Variants in UNC13C observed in about 807,000 individuals in gnomAD.
UNC13C encodes unc-13 homolog C, also known as protein unc-13 homolog C.
Under a neutral mutation model 245.4 loss-of-function variants are expected in UNC13C, and 174 were observed. The observed-to-expected ratio is 0.71, with a 90% CI of 0.63 to 0.80. UNC13C has a LOEUF of 0.80. Among genes scored for constraint, UNC13C ranks in the 30% least tolerant of loss-of-function variants. The pLI, the probability that UNC13C is intolerant of heterozygous loss-of-function variation, is 0.00. For synonymous variants in UNC13C, 992 were observed against 895.1 expected, an observed-to-expected ratio of 1.11 and a Z score of -1.93; for missense variants, 2,829 against 2,602.9, an observed-to-expected ratio of 1.09 and a Z score of -1.89.
Position 54,626,913 on chromosome 15 carries a change from A to G in UNC13C, c.6445A>G (p.Ile2149Val). ...CTGCTTTGCCAGAGAAGATCGAATT[A>G]TCGGAATGACAGTCATTCAGCTACA... The part of the protein sequence containing the change: ...DYCFAREDRI[I>V]GMTVIQLQNI... Residue 2149 changes from isoleucine to valine, a missense_variant, in exon 33 of 33, where the codon ATC becomes GTC. Transcript: ENST00000260323. 6.2e-7 allele frequency: 1 copy of G among 1,613,456 alleles called. No individual in the cohort carries two copies. Among genetic ancestry groups the G allele is most frequent in the Non-Finnish European group, 8.5e-7 (1 of 1,179,588 alleles).
At chr15:54,213,028 C>T (rs2034933275) in intron 4 of UNC13C, among the ~76,000 whole-genome samples, 2 of 151,892 alleles carry the variant, frequency 1.3e-5, no homozygotes, top group South Asian at 4.2e-4. Flanking sequence ...AGAATCATAC[C>T]GGTTAGAATA....
At chr15:53,837,716 C>A in the UNC13C span, among the ~76,000 whole-genome samples, 2 of 152,128 alleles carry the variant, frequency 1.3e-5, no homozygotes, top group Non-Finnish European at 2.9e-5. Context: ...CTGAAAATTT[C>A]ACTGGAATTG....
the UNC13C span, among the ~76,000 whole-genome samples, chr15:53,917,780 A>G: frequency 3.7e-4 from 57 of 152,366 alleles, no homozygotes; most frequent in Admixed American, 5.9e-4. Context: ...GGGTTAGGAC[A>G]ACAGGATTTG....
intron 13 of UNC13C, among the ~76,000 whole-genome samples, chr15:54,308,753 A>G (rs1306012878): frequency 3.3e-5 from 5 of 151,760 alleles, no homozygotes; most frequent in African/African-American, 4.8e-5. Flanking sequence ...TGAGATGATC[A>G]TATGGTATTT....
chr15:54,210,685 A>C (rs1248142808), intron 4 of UNC13C, among the ~76,000 whole-genome samples: 1 of 152,162 alleles, frequency 6.6e-6, no homozygotes, highest in Non-Finnish European at 1.5e-5. Context: ...TTAAAAGCTG[A>C]CTAGTTAGTC....
chr15:53,950,315 C>T, the UNC13C span, among the ~76,000 whole-genome samples: 3 of 152,144 alleles, frequency 2.0e-5, no homozygotes, highest in Admixed American at 6.5e-5. Context: ...CTTGAAGAGG[C>T]TAAGCAATTT....
intron 2 of UNC13C, among the ~76,000 whole-genome samples, chr15:54,123,832 CT>C (rs1269222797): frequency 1.3e-5 from 2 of 152,104 alleles, no homozygotes; most frequent in Non-Finnish European, 2.9e-5. Context: ...GGTTCTGTCT[CT>C]TTATAATCAC....
chr15:54,256,242 G>C (rs558892157), intron 8 of UNC13C, among the ~76,000 whole-genome samples: 11 of 152,248 alleles, frequency 7.2e-5, no homozygotes, highest in African/African-American at 2.6e-4. Flanking sequence ...CTGTGAGGGA[G>C]AACATACACC....
rs150419873 is a variant in UNC13C at position 54,604,408 on chromosome 15, A to G, written c.6107-17919A>G. ...AAACCAGGAAAGAAAGAAAGAAAAC[A>G]AAAGAAAAACAGCTGTAACACCTCT... On this transcript the variant is annotated intron_variant, in intron 30 of 32. Coordinates refer to ENST00000260323, the MANE Select transcript of UNC13C (RefSeq NM_001080534.3). Among the ~76,000 whole-genome samples, 1,085 of 151,688 alleles carry G rather than the reference A, an allele frequency of 7.2e-3. 8 individuals are homozygous for G. Among genetic ancestry groups the G allele is most frequent in the Middle Eastern group, 0.02 (6 of 294 alleles).
At chr15:54,032,052 G>GTA (rs1195698042) in intron 2 of UNC13C, among the ~76,000 whole-genome samples, 11 of 152,142 alleles carry the variant, frequency 7.2e-5, no homozygotes, top group Non-Finnish European at 1.5e-4. Context: ...TTATGGCAAA[G>GTA]GCATGAGTCT....
At chr15:54,525,866 C>A (rs1003579202) in intron 25 of UNC13C, among the ~76,000 whole-genome samples, 1 of 152,170 alleles carries the variant, frequency 6.6e-6, no homozygotes, top group Non-Finnish European at 1.5e-5. Flanking sequence ...ACACCTATAA[C>A]ACTATCCTCA....
chr15:54,056,550 A>G (rs932330086), intron 2 of UNC13C, among the ~76,000 whole-genome samples: 2 of 152,242 alleles, frequency 1.3e-5, no homozygotes, highest in South Asian at 2.1e-4. Flanking sequence ...GATATTATCC[A>G]GGAGAACTTC....
At chr15:54,568,901 TGC>T (rs1156348420) in intron 30 of UNC13C, among the ~76,000 whole-genome samples, 19 of 151,556 alleles carry the variant, frequency 1.3e-4, no homozygotes, top group Non-Finnish European at 2.8e-4. Flanking sequence ...TAACACTCTG[TGC>T]TTTTTGATAC....
At chr15:54,049,174 T>C (rs1025767501) in intron 2 of UNC13C, 1 of 439,496 alleles carries the variant, frequency 2.3e-6, no homozygotes, top group East Asian at 5.8e-5. Context: ...AGTTTTCCAG[T>C]TGATACCTTG....
intron 17 of UNC13C, among the ~76,000 whole-genome samples, chr15:54,343,848 G>A (rs2038795428): frequency 2.6e-5 from 4 of 152,168 alleles, no homozygotes; most frequent in Admixed American, 2.6e-4. Context: ...TGAGTTAAGG[G>A]GAGGGGCTTA....
chr15:54,086,269 C>A (rs1899233859), intron 2 of UNC13C, among the ~76,000 whole-genome samples: 2 of 152,146 alleles, frequency 1.3e-5, no homozygotes, highest in Admixed American at 1.3e-4. Context: ...TTCCGTGTAG[C>A]CACTCCTATA....
chr15:54,036,015 T>C (rs1397701606), intron 2 of UNC13C, among the ~76,000 whole-genome samples: 1 of 152,150 alleles, frequency 6.6e-6, no homozygotes, highest in Non-Finnish European at 1.5e-5. Flanking sequence ...TATAAAGAAT[T>C]ATTGTCATTC....
chr15:54,139,711 T>A (rs2031921543), intron 2 of UNC13C, among the ~76,000 whole-genome samples: 1 of 152,196 alleles, frequency 6.6e-6, no homozygotes, highest in African/African-American at 2.4e-5. Flanking sequence ...TGTATGCATA[T>A]TTACCATTGT....
chr15:53,974,526 G>C (rs999402574), upstream of UNC13C, among the ~76,000 whole-genome samples: 1 of 152,200 alleles, frequency 6.6e-6, no homozygotes, highest in African/African-American at 2.4e-5. Context: ...GAGTAAAATA[G>C]TAGTTAGCAT....
Sources: allele counts gnomAD v4.1 joint callset (sites outside exome capture counted in the v4.1 genomes callset), GRCh38; gene constraint gnomAD v4.1.1; transcripts MANE v1.5; gene names NCBI Gene and HGNC (gene_info 2026-07-23, HGNC 2026-07-21).